PRIM2: variants seen among roughly 807,000 people sequenced by gnomAD.
PRIM2 encodes DNA primase subunit 2.
PRIM2 carries 39 observed loss-of-function variants against 67.3 expected under a neutral mutation model. That is an observed-to-expected ratio of 0.58 (90% CI 0.45 to 0.76). The LOEUF (loss-of-function observed/expected upper bound fraction) is 0.76, where lower values mean the gene tolerates loss of function less well. Ranked by LOEUF, PRIM2 falls within the 30% of genes least tolerant of loss-of-function variation. The pLI is 0.00. For missense variants in PRIM2, 398 were observed against 598.7 expected, an observed-to-expected ratio of 0.66 and a Z score of 3.50; for synonymous variants, 143 against 198.7, an observed-to-expected ratio of 0.72 and a Z score of 2.36.
upstream of PRIM2, chr6:57,314,929 CA>C (rs1387823572): frequency 1.3e-5 from 2 of 152,158 alleles, no homozygotes; most frequent in Non-Finnish European, 2.9e-5. Flanking sequence ...AGGTAGTGAC[CA>C]AAACTGTGGC....
chr6:57,226,684 T>C, the PRIM2 span, among the ~76,000 whole-genome samples: 1 of 152,064 alleles, frequency 6.6e-6, no homozygotes, highest in Non-Finnish European at 1.5e-5. Flanking sequence ...AGGGAAAACA[T>C]AGAGTAGTGG....
intron 13 of PRIM2, among the ~76,000 whole-genome samples, chr6:57,642,500 T>A (rs2127502281): frequency 7.7e-6 from 1 of 129,220 alleles, no homozygotes; most frequent in South Asian, 2.5e-4. Flanking sequence ...TGGAGTGCAG[T>A]GGCGCGATCT....
Position 57,456,971 on chromosome 6 carries a change from G to T in PRIM2, c.694-50416G>T, listed in dbSNP as rs541598971. Among the ~76,000 whole-genome samples the T allele has an allele frequency of 1.3e-3, 191 of 152,234 alleles. 5 individuals carry two copies. The East Asian group carries it at 0.016, about 13-fold the overall frequency. On this transcript the variant is annotated intron_variant, in intron 7 of 13. Coordinates refer to ENST00000615550, the MANE Select transcript of PRIM2 (RefSeq NM_000947.5). The stretch of plus-strand genomic sequence containing the variant: ...TGACGTACAGATGGGGTTTTGGTGT[G>T]GATGTTCTTTCTGTTTGTTAGTTTT...
chr6:57,645,620 A>T (rs1445995794), intron 13 of PRIM2, among the ~76,000 whole-genome samples: 1 of 151,046 alleles, frequency 6.6e-6, no homozygotes, highest in Non-Finnish European at 1.5e-5. Context: ...GTTGGGTTTG[A>T]GCTGCCTTTG....
chr6:57,491,799 T>C (rs1350448008), intron 7 of PRIM2, among the ~76,000 whole-genome samples: 1 of 152,044 alleles, frequency 6.6e-6, no homozygotes, highest in Non-Finnish European at 1.5e-5. Flanking sequence ...AAGAGAGGGG[T>C]CCTGAATGCA....
chr6:57,270,651 C>A, the PRIM2 span, among the ~76,000 whole-genome samples: 2 of 152,192 alleles, frequency 1.3e-5, no homozygotes, highest in African/African-American at 2.4e-5. Flanking sequence ...CCGGCCAGAA[C>A]TTCCAACACT....
intron 10 of PRIM2, among the ~76,000 whole-genome samples, chr6:57,569,421 T>A (rs1775819788): frequency 2.0e-5 from 3 of 152,212 alleles, no homozygotes; most frequent in Admixed American, 2.0e-4. Flanking sequence ...AAGAGCATAA[T>A]TTTCTAATAA....
intron 10 of PRIM2, among the ~76,000 whole-genome samples, chr6:57,566,681 TTTG>T (rs1445612670): frequency 1.3e-5 from 2 of 152,294 alleles, no homozygotes; most frequent in African/African-American, 4.8e-5. Flanking sequence ...CAGGTTCTTC[TTTG>T]TTGTTGTACG....
At chr6:57,360,644 G>A (rs1437947974) in intron 5 of PRIM2, among the ~76,000 whole-genome samples, 1 of 152,152 alleles carries the variant, frequency 6.6e-6, no homozygotes, top group Non-Finnish European at 1.5e-5. Context: ...GTTTGTGTTT[G>A]CTGCACAGCT....
At chr6:57,491,232 AC>A (rs1554345940) in intron 7 of PRIM2, among the ~76,000 whole-genome samples, 8 of 152,222 alleles carry the variant, frequency 5.3e-5, no homozygotes, top group Non-Finnish European at 1.2e-4. Flanking sequence ...CATGAGTCAG[AC>A]CAGATTATCT....
At chr6:57,305,260 C>G in the PRIM2 span, among the ~76,000 whole-genome samples, 1 of 152,144 alleles carries the variant, frequency 6.6e-6, no homozygotes, top group Non-Finnish European at 1.5e-5. Flanking sequence ...AAGCCAAAAT[C>G]TAGAGTGAAA....
At chr6:57,489,166 T>C (rs1420955459) in intron 7 of PRIM2, among the ~76,000 whole-genome samples, 1 of 152,272 alleles carries the variant, frequency 6.6e-6, no homozygotes, top group Non-Finnish European at 1.5e-5. Context: ...CAGAGTTCTC[T>C]GTTTTAAGAA....
the PRIM2 span, among the ~76,000 whole-genome samples, chr6:57,241,865 G>T: frequency 6.6e-6 from 1 of 151,782 alleles, no homozygotes; most frequent in Non-Finnish European, 1.5e-5. Flanking sequence ...GTAGAGATGG[G>T]GTTTCACCAT....
chr6:57,314,399 C>A (rs1746197220), upstream of PRIM2, among the ~76,000 whole-genome samples: 1 of 152,142 alleles, frequency 6.6e-6, no homozygotes, highest in African/African-American at 2.4e-5. Context: ...GCCTGTAATC[C>A]CAGCTACTCG....
At chr6:57,375,696 GC>G (rs1769739798) in intron 5 of PRIM2, among the ~76,000 whole-genome samples, 1 of 147,980 alleles carries the variant, frequency 6.8e-6, no homozygotes, top group Non-Finnish European at 1.5e-5. Flanking sequence ...TTTTAAAGTA[GC>G]TGTGTGTAAT....
chr6:57,313,600 A>G (rs1655951318), upstream of PRIM2, among the ~76,000 whole-genome samples: 1 of 152,190 alleles, frequency 6.6e-6, no homozygotes, highest in South Asian at 2.1e-4. Flanking sequence ...TGCTTTCTTT[A>G]GGTTGTTTCC....
rs530863460 is a variant in PRIM2, at chr6:57,427,231, T to A, written c.693+45063T>A. On this transcript the variant is annotated intron_variant, in intron 7 of 13. Coordinates refer to ENST00000615550, the MANE Select transcript of PRIM2 (RefSeq NM_000947.5). Reference sequence around the variant, plus strand: ...TTTTCCAGATTTCATAAGTATTTAATGAGATTTTGGGAATGGCTTTGTTAA... The same window carrying A: ...TTTTCCAGATTTCATAAGTATTTAAAGAGATTTTGGGAATGGCTTTGTTAA... 2.6e-5 allele frequency among the ~76,000 whole-genome samples: 4 copies of A among 152,352 alleles called. No individual in the cohort carries two copies. In the South Asian group the frequency reaches 8.3e-4, roughly 32 times the overall value.
chr6:57,504,390 A>G (rs1345595456), intron 7 of PRIM2, among the ~76,000 whole-genome samples: 3 of 152,202 alleles, frequency 2.0e-5, no homozygotes, highest in African/African-American at 7.2e-5. Flanking sequence ...CAGTAATACT[A>G]ATTTTTAAAA....
intron 7 of PRIM2, among the ~76,000 whole-genome samples, chr6:57,454,172 T>C (rs1460757387): frequency 5.3e-5 from 8 of 152,360 alleles, no homozygotes; most frequent in Non-Finnish European, 1.0e-4. Flanking sequence ...TTTGATGTGC[T>C]GCTGGATTTG....
Sources: gnomAD v4.1 joint callset for allele counts (sites outside exome capture counted in the v4.1 genomes callset) on GRCh38, gnomAD v4.1.1 for gene constraint, MANE v1.5 for transcripts, NCBI Gene and HGNC (gene_info 2026-07-23, HGNC 2026-07-21) for gene names.